ABCG8: variants seen among roughly 807,000 people sequenced by gnomAD.
ABCG8 encodes ATP binding cassette subfamily G member 8.
Under a neutral mutation model 71.3 loss-of-function variants are expected in ABCG8, and 81 were observed. That is an observed-to-expected ratio of 1.14 (90% CI 0.95 to 1.37). The LOEUF (loss-of-function observed/expected upper bound fraction) is 1.37, where lower values mean the gene tolerates loss of function less well. ABCG8 is among the 40% of genes most tolerant of loss of function. ABCG8 has a pLI of 0.00. For missense variants in ABCG8, 1,119 were observed against 866.2 expected (o/e 1.29, Z -3.66); for synonymous variants, 451 against 354.7 (o/e 1.27, Z -3.05).
intron 4 of ABCG8, 70 bp from the exon 5 acceptor site, chr2:43,852,284 T>C (rs1668944672): frequency 9.3e-6 from 15 of 1,608,546 alleles, no homozygotes; most frequent in Admixed American, 1.7e-5. Context: ...GCCTTTATCC[T>C]TGGGGTCACA....
intron 9 of ABCG8, 41 bp downstream of exon 9, chr2:43,874,027 C>T (rs758827850): frequency 5.6e-6 from 9 of 1,603,784 alleles, no homozygotes; most frequent in Middle Eastern, 1.7e-4. Context: ...GGACCTCAGC[C>T]ACCTCCAAGC....
chr2:43,878,607 G>T lies in ABCG8; in HGVS notation c.*694G>T, dbSNP rs1430862487. The T allele has an allele frequency of 6.3e-6, 1 of 158,468 alleles. No homozygotes were observed. The highest frequency in any genetic ancestry group is 2.4e-5 in the African/African-American group (1 of 41,488). 9.8% of individuals were successfully genotyped at this position (158,468 alleles called of 1,614,324 possible). A position where few individuals can be genotyped will look rare whatever the true frequency, so the allele number is the denominator to read the frequency against. The stretch of plus-strand genomic sequence containing the variant: ...ATACTTTGTGGTGGAGTCATATGGG[G>T]ATCAGAAAAGCCTTTGAGGCCTTTG... On this transcript the variant is annotated 3_prime_UTR_variant, in exon 13 of 13. Transcript: ENST00000272286.
chr2:43,844,704 C>T, intron 2 of ABCG8, 96 bp downstream of exon 2: 1 of 907,104 alleles, frequency 1.1e-6, no homozygotes, highest in Non-Finnish European at 1.8e-6. Flanking sequence ...ACTTGCAGGC[C>T]CTCTGCCCGC....
intron 3 of ABCG8, among the ~76,000 whole-genome samples, 164 bp from the exon 4 acceptor site, chr2:43,851,420 G>A (rs1335763983): frequency 6.6e-6 from 1 of 152,238 alleles, no homozygotes; most frequent in Admixed American, 6.5e-5. Context: ...CATGTCCTGG[G>A]CCCACCCCAT....
chr2:43,879,124 C>T lies in ABCG8; in HGVS notation c.*1211C>T, dbSNP rs992174443. 1.3e-5 allele frequency: 2 copies of T among 152,148 alleles called. No homozygotes were observed. Among genetic ancestry groups the T allele is most frequent in the African/African-American group, 4.8e-5 (2 of 41,406 alleles). The allele number at this position is 152,148 out of a possible 1,614,324, so 9.4% of individuals were successfully genotyped here. A position where few individuals can be genotyped will look rare whatever the true frequency, so the allele number is the denominator to read the frequency against. On this transcript the variant is annotated 3_prime_UTR_variant, in exon 13 of 13. Coordinates refer to ENST00000272286, the MANE Select transcript of ABCG8 (RefSeq NM_022437.3). The stretch of plus-strand genomic sequence containing the variant: ...TGTGAGAGCAGATGAATACACTGGC[C>T]CTGCCTGGGTTTCAGAACCAGCCTT...
At chr2:43,873,753 G>T (rs770999783) in intron 8 of ABCG8, 34 bp from the exon 9 acceptor site, 1 of 1,609,982 alleles carries the variant, frequency 6.2e-7, no homozygotes, top group African/African-American at 1.3e-5. Flanking sequence ...GGTGTATGCT[G>T]TTGCCTCAGC....
chr2:43,875,477 C>T lies in ABCG8; in HGVS notation c.1756+64C>T, dbSNP rs367856524. The T allele has an allele frequency of 9.7e-5, 152 of 1,563,854 alleles. 4 individuals are homozygous for T. In the African/African-American group the frequency reaches 1.6e-3, roughly 16 times the overall value. ...GACTCATGTGACTGGATGAAGCCTGCTTTCATCTGGAGATGGACACTTATC... is the reference window on the plus strand; with the variant it reads ...GACTCATGTGACTGGATGAAGCCTGTTTTCATCTGGAGATGGACACTTATC... On this transcript the variant is annotated intron_variant, in intron 11 of 12. Transcript: ENST00000272286.
rs1202230192 is a variant in ABCG8, at chr2:43,882,173, T to A, written c.*4260T>A. On this transcript the variant is annotated 3_prime_UTR_variant, in exon 13 of 13. Transcript: ENST00000272286. Reference sequence around the variant, plus strand: ...TGATTTAAAAAAAAATCTGCTCTTGTTCCTATAAATAGTATATAAGATGTA... The same window carrying A: ...TGATTTAAAAAAAAATCTGCTCTTGATCCTATAAATAGTATATAAGATGTA... The A allele has an allele frequency of 6.6e-6, 1 of 152,246 alleles. No individual in the cohort carries two copies. The highest frequency in any genetic ancestry group is 1.5e-5 in the Non-Finnish European group (1 of 68,038). The allele number at this position is 152,246 out of a possible 1,614,324, so 9.4% of individuals were successfully genotyped here. A position where few individuals can be genotyped will look rare whatever the true frequency, so the allele number is the denominator to read the frequency against.
intron 9 of ABCG8, 129 bp downstream of exon 9, chr2:43,874,115 T>C: frequency 9.3e-7 from 1 of 1,072,172 alleles, no homozygotes; most frequent in Non-Finnish European, 1.4e-6. Context: ...GTTTTTAAAG[T>C]TTGCATGTTA....
At position 43,874,291 on chromosome 2, in the gene ABCG8, T is replaced by C. The variant is rs4952689; in HGVS notation, c.1412-116T>C. On this transcript the variant is annotated intron_variant, in intron 9 of 12. Transcript: ENST00000272286. ...ACTGTGCCTATTTAAAAAAAAAAAT[T>C]AGAGACTTGGGCAATATGATAACTA... is the stretch of plus-strand genomic sequence containing the variant. 4.1e-6 allele frequency: 4 copies of C among 969,088 alleles called. No homozygotes were observed. The African/African-American group carries it at 4.9e-5, about 12-fold the overall frequency. 60.0% of individuals were successfully genotyped at this position (969,088 alleles called of 1,614,324 possible).
rs76972450 is a variant in ABCG8 at position 43,844,544 on chromosome 2, A to G, written c.101A>G (p.Asn34Ser). ...QDRLFSSESD[N>S]SLYFTYSGQP... ...AGATTGTTCTCCTCTGAAAGTGACAACAGCCTGTACTTCACCTACAGTGGC... is the reference window on the plus strand; with the variant it reads ...AGATTGTTCTCCTCTGAAAGTGACAGCAGCCTGTACTTCACCTACAGTGGC... The change falls in exon 2 of 13, where the codon AAC becomes AGC. Residue 34 changes from asparagine (N) to serine (S), a missense_variant. Physicochemically the swap from Asn to Ser is conservative, Grantham distance 46 (BLOSUM62 1). Coordinates refer to ENST00000272286, the MANE Select transcript of ABCG8 (RefSeq NM_022437.3). The G allele has an allele frequency of 6.2e-7, 1 of 1,614,072 alleles. No individual in the cohort carries two copies. The highest frequency in any genetic ancestry group is 2.2e-5 in the East Asian group (1 of 44,882).
intron 10 of ABCG8, among the ~76,000 whole-genome samples, chr2:43,874,905 C>A (rs1021776512): frequency 3.3e-5 from 5 of 152,040 alleles, no homozygotes; most frequent in African/African-American, 1.2e-4. Context: ...CTTAGGACAG[C>A]AGGTGCCCAT....
At chr2:43,868,170 A>G (rs576997898) in intron 6 of ABCG8, among the ~76,000 whole-genome samples, 2 of 151,918 alleles carry the variant, frequency 1.3e-5, no homozygotes, top group African/African-American at 4.8e-5. Context: ...TAGAATTCTC[A>G]CCCTCTGGAT....
chr2:43,845,277 G>A (rs1453397634), intron 2 of ABCG8, among the ~76,000 whole-genome samples: 2 of 152,128 alleles, frequency 1.3e-5, no homozygotes, highest in African/African-American at 4.8e-5. Flanking sequence ...GACATGGTGG[G>A]GTCTGGGATG....
In ABCG8 at chr2:43,852,334, A is replaced by C. The variant is rs758516134; in HGVS notation, c.562-20A>C. ...GAAGGAGGCCCCTGAGGTGGCCTCAAAGCTCCTTCTGGCCCACAGGTGGAG... is the reference window on the plus strand; with the variant it reads ...GAAGGAGGCCCCTGAGGTGGCCTCACAGCTCCTTCTGGCCCACAGGTGGAG... On this transcript the variant is annotated intron_variant, in intron 4 of 12. Coordinates refer to ENST00000272286, the MANE Select transcript of ABCG8 (RefSeq NM_022437.3). 1.2e-6 allele frequency: 2 copies of C among 1,611,934 alleles called. No homozygotes were observed. Among genetic ancestry groups the C allele is most frequent in the African/African-American group, 1.3e-5 (1 of 74,868 alleles).
chr2:43,854,529 A>G (rs1214279745), intron 6 of ABCG8, among the ~76,000 whole-genome samples: 2 of 149,166 alleles, frequency 1.3e-5, no homozygotes, highest in Non-Finnish European at 3.0e-5. Context: ...TGGGAGGCTG[A>G]GGCACGAGAA....
rs200243054 is a variant in ABCG8, at chr2:43,880,166, A to ATTTTTTTTTTTTTTTTTTTTTTT, written c.*2259_*2260insTTTTTTTTTTTTTTTTTTTTTTT. The stretch of plus-strand genomic sequence containing the variant: ...TGAAACAACCAAGAGTTTCAGGCTC[A>ATTTTTTTTTTTTTTTTTTTTTTT]TTTTTTGTTTTGTTTTTTTTTTTTT... On this transcript the variant is annotated 3_prime_UTR_variant, in exon 13 of 13. Transcript: ENST00000272286. The ATTTTTTTTTTTTTTTTTTTTTTT allele has an allele frequency of 2.0e-5, 2 of 102,534 alleles. No individual in the cohort carries two copies. Among genetic ancestry groups the ATTTTTTTTTTTTTTTTTTTTTTT allele is most frequent in the African/African-American group, 3.9e-5 (1 of 25,932 alleles). The allele number at this position is 102,534 out of a possible 1,614,324, so 6.4% of individuals were successfully genotyped here. A position where few individuals can be genotyped will look rare whatever the true frequency, so the allele number is the denominator to read the frequency against.
intron 6 of ABCG8, among the ~76,000 whole-genome samples, chr2:43,859,019 ACTAT>A (rs1343283593): frequency 6.6e-6 from 1 of 150,982 alleles, no homozygotes; most frequent in Non-Finnish European, 1.5e-5. Flanking sequence ...TGGAACTCTC[ACTAT>A]CTATCTGGAT....
chr2:43,850,921 A>AG (rs1305769202), intron 3 of ABCG8, among the ~76,000 whole-genome samples: 1 of 152,032 alleles, frequency 6.6e-6, no homozygotes, highest in Non-Finnish European at 1.5e-5. Flanking sequence ...AAAAAAAAAA[A>AG]AAAAAGAAAA....
Sources: gnomAD v4.1 joint callset for allele counts (sites outside exome capture counted in the v4.1 genomes callset) on GRCh38, gnomAD v4.1.1 for gene constraint, MANE v1.5 for transcripts, NCBI Gene and HGNC (gene_info 2026-07-23, HGNC 2026-07-21) for gene names.